The following TSGA10 variants were observed in gnomAD, a reference collection of about 807,000 sequenced individuals.
TSGA10 encodes testis-specific gene 10 protein.
A neutral mutation model predicts 96.6 loss-of-function variants in TSGA10; 43 were observed. The observed-to-expected ratio is 0.44, with a 90% CI of 0.35 to 0.57. The LOEUF is 0.57. TSGA10 is among the 20% of genes least tolerant of loss of function. TSGA10 has a pLI of 0.01. For missense variants in TSGA10, 703 were observed against 834.4 expected (o/e 0.84, Z 1.94); for synonymous variants, 229 against 269.9 (o/e 0.85, Z 1.48).
At chr2:99,103,057 C>T (rs1344710230) in intron 10 of TSGA10, among the ~76,000 whole-genome samples, 3 of 136,370 alleles carry the variant, frequency 2.2e-5, no homozygotes, top group Non-Finnish European at 3.1e-5. Flanking sequence ...TTTATAGCTT[C>T]AATTAAATAA....
chr2:99,085,765 A>G (rs2104633106), intron 10 of TSGA10, among the ~76,000 whole-genome samples: 1 of 152,284 alleles, frequency 6.6e-6, no homozygotes, highest in East Asian at 1.9e-4. Context: ...GAAGTTAAAA[A>G]AAATACATGT....
intron 3 of TSGA10, among the ~76,000 whole-genome samples, chr2:99,117,968 A>C (rs1176719211): frequency 6.6e-6 from 1 of 152,150 alleles, no homozygotes; most frequent in African/African-American, 2.4e-5. Context: ...ATTTTATAGC[A>C]ATATCTTTCA....
At chr2:99,015,109 A>C (rs1179543076) in intron 20 of TSGA10, among the ~76,000 whole-genome samples, 2 of 152,222 alleles carry the variant, frequency 1.3e-5, no homozygotes, top group Non-Finnish European at 2.9e-5. Context: ...CACAAGATAG[A>C]GAAAGACGGA....
chr2:99,017,494 G>A (rs1357257061), intron 20 of TSGA10, among the ~76,000 whole-genome samples: 5 of 152,122 alleles, frequency 3.3e-5, no homozygotes, highest in South Asian at 2.1e-4. Flanking sequence ...GGCCGGGCGC[G>A]GTGGCTCACG....
intron 10 of TSGA10, among the ~76,000 whole-genome samples, chr2:99,102,930 C>T (rs2090936384): frequency 6.6e-6 from 1 of 152,070 alleles, no homozygotes; most frequent in Non-Finnish European, 1.5e-5. Flanking sequence ...TTTGTACTTA[C>T]AGTTTTAGAA....
chr2:99,130,497 T>C lies in TSGA10; in HGVS notation c.-620-3321A>G, dbSNP rs748938961. Among the ~76,000 whole-genome samples the C allele has an allele frequency of 6.6e-5, 10 of 152,342 alleles. No homozygotes were observed. The East Asian group carries it at 9.6e-4, about 15-fold the overall frequency. ...GTCTGTTTTTTTCTTGTAAATTTGT[T>C]TAAGTTCCTTATAGATTCTAGATAT... On this transcript the variant is annotated intron_variant, in intron 1 of 20. Coordinates refer to ENST00000393483, the MANE Select transcript of TSGA10 (RefSeq NM_025244.4).
chr2:99,023,429 A>C (rs1476621227), intron 17 of TSGA10, among the ~76,000 whole-genome samples: 1 of 151,656 alleles, frequency 6.6e-6, no homozygotes, highest in Non-Finnish European at 1.5e-5. Flanking sequence ...GATCAAGTCT[A>C]CTTAATCTAT....
intron 16 of TSGA10, among the ~76,000 whole-genome samples, chr2:99,059,049 AATAT>A (rs58675400): frequency 0.012 from 1,677 of 136,364 alleles, 38 homozygotes; most frequent in African/African-American, 0.044. Context: ...AAAAAAAAAT[AATAT>A]ATATATATAT....
chr2:99,105,445 A>G lies in TSGA10; in HGVS notation c.382-9T>C, dbSNP rs577128657. 2.1e-5 allele frequency: 34 copies of G among 1,613,744 alleles called. No individual in the cohort carries two copies. Among genetic ancestry groups the G allele is most frequent in the Non-Finnish European group, 2.7e-5 (32 of 1,179,988 alleles). On this transcript the variant is annotated splice_polypyrimidine_tract_variant and intron_variant, in intron 8 of 20. Coordinates refer to ENST00000393483, the MANE Select transcript of TSGA10 (RefSeq NM_025244.4). ...GCTGTCTCTTGAGCAATCTGATTAA[A>G]AAGCAAAAACAAAATAAAGTGATTT...
intron 16 of TSGA10, among the ~76,000 whole-genome samples, chr2:99,046,832 T>G (rs1032540622): frequency 3.3e-5 from 5 of 151,892 alleles, no homozygotes; most frequent in Non-Finnish European, 7.4e-5. Flanking sequence ...CTAGCAAGAC[T>G]AATAAAGAAG....
intron 20 of TSGA10, among the ~76,000 whole-genome samples, chr2:99,013,335 T>C (rs537091709): frequency 3.9e-5 from 6 of 152,144 alleles, no homozygotes; most frequent in African/African-American, 1.2e-4. Context: ...ATAATAATAA[T>C]AATTATTAAT....
intron 1 of TSGA10, among the ~76,000 whole-genome samples, chr2:99,147,700 G>A (rs2093646725): frequency 6.6e-6 from 1 of 152,070 alleles, no homozygotes. Context: ...CTACAGAAAT[G>A]TAATAATAAT....
intron 10 of TSGA10, among the ~76,000 whole-genome samples, chr2:99,101,648 AAG>A (rs2090750340): frequency 6.6e-6 from 1 of 152,230 alleles, no homozygotes. Context: ...AACATTAACA[AAG>A]AATTATAAAA....
chr2:99,049,914 T>C (rs1573854680), intron 16 of TSGA10, among the ~76,000 whole-genome samples: 2 of 152,106 alleles, frequency 1.3e-5, no homozygotes, highest in East Asian at 1.9e-4. Context: ...AAAATAATTA[T>C]GTAATTATAA....
At chr2:99,081,766 T>C (rs1006666448) in intron 10 of TSGA10, among the ~76,000 whole-genome samples, 6 of 152,168 alleles carry the variant, frequency 3.9e-5, no homozygotes, top group African/African-American at 1.4e-4. Context: ...CATAGAGATG[T>C]CTGCAACACA....
At position 99,102,504 on chromosome 2, in the gene TSGA10, C is replaced by G. The variant is rs565499801; in HGVS notation, c.611+1463G>C. On this transcript the variant is annotated intron_variant, in intron 10 of 20. Transcript: ENST00000393483. Reference sequence around the variant, plus strand: ...GATTTTTGCCATTCAGAAATGTGACCCGGCTCCATTTTACTTGTTTGATGA... The same window carrying G: ...GATTTTTGCCATTCAGAAATGTGACGCGGCTCCATTTTACTTGTTTGATGA... The G allele has an allele frequency of 2.1e-4, 332 of 1,613,900 alleles. 1 individual carries two copies. In the African/African-American group the frequency reaches 3.8e-3, roughly 19 times the overall value.
At chr2:99,104,804 A>G (rs2091168607) in intron 9 of TSGA10, among the ~76,000 whole-genome samples, 1 of 152,216 alleles carries the variant, frequency 6.6e-6, no homozygotes, top group South Asian at 2.1e-4. Flanking sequence ...TCATTACAAT[A>G]AAACAGTACA....
At chr2:99,104,199 C>T in intron 9 of TSGA10, 81 bp from the exon 10 acceptor site, 1 of 1,504,870 alleles carries the variant, frequency 6.6e-7, no homozygotes, top group Non-Finnish European at 9.0e-7. Context: ...TCCCTCTGTA[C>T]AAACTGGTTT....
intron 4 of TSGA10, among the ~76,000 whole-genome samples, chr2:99,116,727 T>TA (rs572754690): frequency 6.0e-4 from 91 of 152,156 alleles, no homozygotes; most frequent in African/African-American, 2.1e-3. Context: ...AAATGTTAGT[T>TA]AAAAAAAAGT....
Sources: gnomAD v4.1 joint callset for allele counts (sites outside exome capture counted in the v4.1 genomes callset) on GRCh38, gnomAD v4.1.1 for gene constraint, MANE v1.5 for transcripts, NCBI Gene and HGNC (gene_info 2026-07-23, HGNC 2026-07-21) for gene names.